The following PRKG2 variants were observed in gnomAD, a reference collection of about 807,000 sequenced individuals.
The protein encoded by PRKG2 is protein kinase cGMP-dependent 2, also known as cGMP-dependent protein kinase 2.
PRKG2 carries 33 observed loss-of-function variants against 97.2 expected under a neutral mutation model. That is an observed-to-expected ratio of 0.34 (90% CI 0.26 to 0.45). The LOEUF (loss-of-function observed/expected upper bound fraction) is 0.45, where lower values mean the gene tolerates loss of function less well. Ranked by LOEUF, PRKG2 falls within the 20% of genes least tolerant of loss-of-function variation. PRKG2 has a pLI of 1.00. For missense variants in PRKG2, 638 were observed against 900.0 expected (o/e 0.71, Z 3.73); for synonymous variants, 330 against 321.8 (o/e 1.03, Z -0.27).
intron 2 of PRKG2, among the ~76,000 whole-genome samples, chr4:81,183,830 A>T (rs2110100468): frequency 6.6e-6 from 1 of 152,246 alleles, no homozygotes; most frequent in East Asian, 1.9e-4. Context: ...GCCATTATTA[A>T]GGCTTCAGTA....
At position 81,101,590 on chromosome 4, in the gene PRKG2, T is replaced by C. The variant is rs191362493; in HGVS notation, c.2126+2780A>G. Among the ~76,000 whole-genome samples, 312 of 149,596 alleles carry C rather than the reference T, an allele frequency of 2.1e-3. 5 individuals carry two copies. The highest frequency in any genetic ancestry group is 0.02 in the East Asian group (97 of 4,968). The stretch of plus-strand genomic sequence containing the variant: ...GTGGGGTGGGGGGAGGGGGGAGGTA[T>C]GGCATTTGGTGATATACCTAATGTT... On this transcript the variant is annotated intron_variant, in intron 17 of 18. Transcript: ENST00000264399.
intron 16 of PRKG2, among the ~76,000 whole-genome samples, chr4:81,104,655 C>T (rs1443545): frequency 0.17 from 25,501 of 151,488 alleles, 3,218 homozygotes; most frequent in East Asian, 0.39. Flanking sequence ...AATTAGACTT[C>T]GGAGTGTATA....
intron 1 of PRKG2, among the ~76,000 whole-genome samples, chr4:81,206,267 G>T (rs1347161758): frequency 7.9e-5 from 12 of 152,028 alleles, no homozygotes; most frequent in Admixed American, 6.6e-4. Flanking sequence ...GATATCATTT[G>T]GCTGTGTCCC....
chr4:81,127,368 A>G (rs888407909), intron 14 of PRKG2, among the ~76,000 whole-genome samples: 1 of 152,206 alleles, frequency 6.6e-6, no homozygotes, highest in Admixed American at 6.5e-5. Flanking sequence ...TTGGTTCCAT[A>G]TGAACTTTAA....
intron 8 of PRKG2, among the ~76,000 whole-genome samples, chr4:81,151,274 G>A (rs998485237): frequency 6.6e-6 from 1 of 152,022 alleles, no homozygotes. Context: ...CCAATAAAGT[G>A]TGTTGCTCTA....
At chr4:81,170,162 T>C (rs1003518385) in intron 4 of PRKG2, among the ~76,000 whole-genome samples, 1 of 152,122 alleles carries the variant, frequency 6.6e-6, no homozygotes, top group African/African-American at 2.4e-5. Flanking sequence ...AATTGAAAGT[T>C]AAAGCTATCT....
intron 17 of PRKG2, 86 bp downstream of exon 17, chr4:81,104,284 T>C: frequency 1.1e-6 from 1 of 933,834 alleles, no homozygotes; most frequent in Middle Eastern, 2.3e-4. Flanking sequence ...AAAGGGACCT[T>C]TGTGGCCTCC....
rs534600294 is a variant in PRKG2 at position 81,093,454 on chromosome 4, A to C, written c.2127-1002T>G. Among the ~76,000 whole-genome samples the C allele has an allele frequency of 7.2e-5, 11 of 151,746 alleles. No homozygotes were observed. The East Asian group carries it at 2.1e-3, about 29-fold the overall frequency. On this transcript the variant is annotated intron_variant, in intron 17 of 18. Transcript: ENST00000264399. ...TTTATCTTACCCCCTTAGCATCTAT[A>C]GCTATCTAACATACTACTTGACTTA...
At chr4:81,196,137 G>A (rs1669581238) in intron 2 of PRKG2, among the ~76,000 whole-genome samples, 2 of 152,186 alleles carry the variant, frequency 1.3e-5, no homozygotes, top group African/African-American at 4.8e-5. Context: ...GGAGCTGAGA[G>A]CAGCCCCAGC....
At chr4:81,136,329 T>A (rs1746697229) in intron 13 of PRKG2, among the ~76,000 whole-genome samples, 1 of 152,188 alleles carries the variant, frequency 6.6e-6, no homozygotes, top group Admixed American at 6.6e-5. Flanking sequence ...CTGGACCCCA[T>A]CCCAGATTAA....
intron 7 of PRKG2, 85 bp downstream of exon 7, chr4:81,153,559 T>C (rs1309094760): frequency 9.7e-7 from 1 of 1,036,162 alleles, no homozygotes; most frequent in Admixed American, 1.9e-5. Flanking sequence ...GGAGGACCTA[T>C]GTTGCAATGC....
At chr4:81,105,388 T>C (rs1743223248) in intron 16 of PRKG2, among the ~76,000 whole-genome samples, 1 of 152,306 alleles carries the variant, frequency 6.6e-6, no homozygotes, top group Middle Eastern at 3.4e-3. Flanking sequence ...ACAAGAACAT[T>C]GAATATTTGT....
intron 14 of PRKG2, among the ~76,000 whole-genome samples, chr4:81,119,625 T>C (rs1744878123): frequency 6.6e-6 from 1 of 152,082 alleles, no homozygotes; most frequent in African/African-American, 2.4e-5. Flanking sequence ...TTAGAATGAG[T>C]TTCTCACTGT....
intron 12 of PRKG2, among the ~76,000 whole-genome samples, chr4:81,138,244 G>C (rs1746907883): frequency 6.6e-6 from 1 of 152,166 alleles, no homozygotes; most frequent in Admixed American, 6.5e-5. Flanking sequence ...CAGTTCCGAA[G>C]CGGGACGTAG....
intron 17 of PRKG2, among the ~76,000 whole-genome samples, chr4:81,098,171 G>T (rs1377402771): frequency 6.6e-6 from 1 of 152,100 alleles, no homozygotes; most frequent in Non-Finnish European, 1.5e-5. Context: ...TGAAAAGAGA[G>T]ACTGGCCTAG....
chr4:81,120,717 T>C (rs1324761923), intron 14 of PRKG2, among the ~76,000 whole-genome samples: 4 of 151,644 alleles, frequency 2.6e-5, no homozygotes, highest in Non-Finnish European at 4.4e-5. Context: ...TTTAAGATTT[T>C]CTACATAGAT....
At chr4:81,190,203 C>T (rs1033750339) in intron 2 of PRKG2, among the ~76,000 whole-genome samples, 2 of 152,150 alleles carry the variant, frequency 1.3e-5, no homozygotes, top group African/African-American at 4.8e-5. Flanking sequence ...GTAACCAAAA[C>T]AGCATGGTAC....
chr4:81,192,575 T>C (rs1429915751), intron 2 of PRKG2, among the ~76,000 whole-genome samples: 3 of 152,230 alleles, frequency 2.0e-5, no homozygotes, highest in African/African-American at 7.2e-5. Context: ...TTAGGCTTTC[T>C]GAATCTCAGA....
At chr4:81,184,863 G>A (rs1751731821) in intron 2 of PRKG2, among the ~76,000 whole-genome samples, 1 of 152,042 alleles carries the variant, frequency 6.6e-6, no homozygotes, top group Non-Finnish European at 1.5e-5. Context: ...ATTGATAGTT[G>A]AATCAATCAA....
Sources: allele counts gnomAD v4.1 joint callset (sites outside exome capture counted in the v4.1 genomes callset), GRCh38; gene constraint gnomAD v4.1.1; transcripts MANE v1.5; gene names NCBI Gene and HGNC (gene_info 2026-07-23, HGNC 2026-07-21).